Variants in TIAL1 observed in about 807,000 individuals in gnomAD.
TIAL1 encodes the protein TIA1 cytotoxic granule associated RNA binding protein like 1, also known as nucleolysin TIAR.
In TIAL1, 7 loss-of-function variants were observed where a neutral mutation model predicts 59.7. That is an observed-to-expected ratio of 0.12 (90% CI 0.07 to 0.22). The LOEUF is 0.22. Among genes scored for constraint, TIAL1 ranks in the 10% least tolerant of loss-of-function variants. The probability of loss-of-function intolerance (pLI) is 1.00; values close to 1 mark genes in which losing one functional copy is unlikely to be tolerated. For missense variants in TIAL1, 225 were observed against 462.5 expected, an observed-to-expected ratio of 0.49 and a Z score of 4.71; for synonymous variants, 149 against 146.3, an observed-to-expected ratio of 1.02 and a Z score of -0.13.
Position 119,596,699 on chromosome 10 carries a change from A to G in TIAL1, c.-234T>C. ...TGGCCGCCGCCACCAGCCAGGCAGG[A>G]AACAGGGCAGAGCGCAGGCGCGACC... is the stretch of plus-strand genomic sequence containing the variant. On this transcript the variant is annotated 5_prime_UTR_variant, in exon 1 of 12. Coordinates refer to ENST00000436547, the MANE Select transcript of TIAL1 (RefSeq NM_003252.4). 1.7e-6 allele frequency: 1 copy of G among 582,364 alleles called. No individual in the cohort carries two copies. Among genetic ancestry groups the G allele is most frequent in the Non-Finnish European group, 3.1e-6 (1 of 326,394 alleles). The allele number at this position is 582,364 out of a possible 1,614,324, so 36.1% of individuals were successfully genotyped here.
chr10:119,588,257 G>GAA lies in TIAL1; in HGVS notation c.33-11_33-10dup. On this transcript the variant is annotated splice_polypyrimidine_tract_variant and intron_variant, in intron 1 of 11. Transcript: ENST00000436547. Reference sequence around the variant, plus strand: ...AAAGGTTACCTACGTATCTGCACAAGAAAAAAATACGTTATCAGCAATTTT... The same window carrying GAA: ...AAAGGTTACCTACGTATCTGCACAAGAAAAAAAAATACGTTATCAGCAATTTT... 1 of 1,537,142 alleles carries GAA rather than the reference G, an allele frequency of 6.5e-7. No individual in the cohort carries two copies. Among genetic ancestry groups the GAA allele is most frequent in the Admixed American group, 1.9e-5 (1 of 51,566 alleles).
chr10:119,574,600 AAAAAAAAC>A lies in TIAL1; in HGVS notation c.*1057_*1064del, dbSNP rs1442534901. On this transcript the variant is annotated 3_prime_UTR_variant, in exon 12 of 12. Transcript: ENST00000436547. ...GTAATGTAAAGCAAAAAAAAAAAAA[AAAAAAAAC>A]AAAAACAAAAAACTAATTCCCAATG... 6.9e-6 allele frequency: 1 copy of A among 145,448 alleles called. No individual in the cohort carries two copies. Among genetic ancestry groups the A allele is most frequent in the Non-Finnish European group, 1.5e-5 (1 of 67,664 alleles). 9.0% of individuals were successfully genotyped at this position (145,448 alleles called of 1,614,324 possible). A position where few individuals can be genotyped will look rare whatever the true frequency, so the allele number is the denominator to read the frequency against.
intron 1 of TIAL1, among the ~76,000 whole-genome samples, chr10:119,590,804 G>GAAAGAAAGAAAGAAAGAAAA (rs1564744910): frequency 3.6e-5 from 5 of 140,672 alleles, no homozygotes; most frequent in Admixed American, 3.5e-4. Flanking sequence ...AAGAAAGAAA[G>GAAAGAAAGAAAGAAAGAAAA]AAAGAAAGAA....
intron 1 of TIAL1, among the ~76,000 whole-genome samples, chr10:119,591,525 A>T (rs538082301): frequency 6.6e-6 from 1 of 152,360 alleles, no homozygotes; most frequent in African/African-American, 2.4e-5. Context: ...CTGAAAGCAA[A>T]GATGAAAACG....
intron 1 of TIAL1, among the ~76,000 whole-genome samples, chr10:119,590,839 G>A (rs1244176692): frequency 6.9e-6 from 1 of 145,860 alleles, no homozygotes; most frequent in Non-Finnish European, 1.5e-5. Context: ...AAGTGATCTT[G>A]AGCTTCTAAA....
chr10:119,596,749 C>A lies in TIAL1; in HGVS notation c.-284G>T, dbSNP rs902188785. The A allele has an allele frequency of 5.7e-6, 3 of 524,982 alleles. No individual in the cohort carries two copies. In the African/African-American group the frequency reaches 5.9e-5, roughly 10 times the overall value. 32.5% of individuals were successfully genotyped at this position (524,982 alleles called of 1,614,324 possible). On this transcript the variant is annotated 5_prime_UTR_variant, in exon 1 of 12. Transcript: ENST00000436547. The stretch of plus-strand genomic sequence containing the variant: ...CCGCCAGGTCACCGCTCAGGCCAGC[C>A]GCGACAGCCTGCAAGGGGGACGACC...
In TIAL1 at chr10:119,574,608, C is replaced by CAAAAAAAAAA. The variant is rs1201692100; in HGVS notation, c.*1056_*1057insTTTTTTTTTT. ...AAGCAAAAAAAAAAAAAAAAAAAAA[C>CAAAAAAAAAA]AAAAACAAAAAACTAATTCCCAATG... is the stretch of plus-strand genomic sequence containing the variant. On this transcript the variant is annotated 3_prime_UTR_variant, in exon 12 of 12. Coordinates refer to ENST00000436547, the MANE Select transcript of TIAL1 (RefSeq NM_003252.4). 3 of 71,918 alleles carry CAAAAAAAAAA rather than the reference C, an allele frequency of 4.2e-5. No homozygotes were observed. Among genetic ancestry groups the CAAAAAAAAAA allele is most frequent in the African/African-American group, 9.5e-5 (2 of 20,950 alleles). The allele number at this position is 71,918 out of a possible 1,614,324, so 4.5% of individuals were successfully genotyped here. A position where few individuals can be genotyped will look rare whatever the true frequency, so the allele number is the denominator to read the frequency against.
intron 2 of TIAL1, among the ~76,000 whole-genome samples, chr10:119,583,860 T>TG (rs1175204956): frequency 6.6e-6 from 1 of 152,140 alleles, no homozygotes; most frequent in Non-Finnish European, 1.5e-5. Flanking sequence ...AGAAAGGAAA[T>TG]GGGGGAAGAC....
At chr10:119,583,861 G>A (rs1845412837) in intron 2 of TIAL1, among the ~76,000 whole-genome samples, 1 of 152,164 alleles carries the variant, frequency 6.6e-6, no homozygotes, top group Non-Finnish European at 1.5e-5. Flanking sequence ...GAAAGGAAAT[G>A]GGGGAAGACT....
chr10:119,588,324 A>C (rs1056264574), intron 1 of TIAL1, 76 bp from the exon 2 acceptor site: 56 of 791,824 alleles, frequency 7.1e-5, no homozygotes, highest in Admixed American at 1.5e-4. Context: ...CTAATTCATC[A>C]CCTTTTCTTT....
At position 119,582,066 on chromosome 10, in the gene TIAL1, T is replaced by C. The variant is rs1845332101; in HGVS notation, c.284-57A>G. 6 of 1,605,976 alleles carry C rather than the reference T, an allele frequency of 3.7e-6. No homozygotes were observed. Among genetic ancestry groups the C allele is most frequent in the South Asian group, 2.2e-5 (2 of 90,784 alleles). ...TAAGAAGTCAGCCACTAAAACCTTT[T>C]TAAGGCAACTCTAGAGGAGGAAAAA... On this transcript the variant is annotated intron_variant, in intron 4 of 11. Coordinates refer to ENST00000436547, the MANE Select transcript of TIAL1 (RefSeq NM_003252.4). This position sits in a 1 kb window ranked among gnomAD's most constrained non-coding sequence, Gnocchi z 5.1.
chr10:119,586,111 G>A (rs1349551268), intron 2 of TIAL1, among the ~76,000 whole-genome samples: 1 of 152,168 alleles, frequency 6.6e-6, no homozygotes, highest in Non-Finnish European at 1.5e-5. Flanking sequence ...TCTCTCTAGA[G>A]TTGCAAACTA....
At chr10:119,588,703 T>A (rs1020862193) in intron 1 of TIAL1, among the ~76,000 whole-genome samples, 1 of 152,178 alleles carries the variant, frequency 6.6e-6, no homozygotes, top group African/African-American at 2.4e-5. Context: ...TTAAACCTGA[T>A]CCTATGAAAG....
intron 1 of TIAL1, among the ~76,000 whole-genome samples, chr10:119,595,974 A>G (rs1160499559): frequency 6.6e-6 from 1 of 151,348 alleles, no homozygotes; most frequent in Non-Finnish European, 1.5e-5. Context: ...GAGCGACTCG[A>G]GCTGAGGACG....
At chr10:119,592,520 C>T (rs1181011231) in intron 1 of TIAL1, among the ~76,000 whole-genome samples, 1 of 152,156 alleles carries the variant, frequency 6.6e-6, no homozygotes, top group African/African-American at 2.4e-5. Flanking sequence ...AAAAGAGTAG[C>T]CCTACCAAGG....
At chr10:119,583,310 T>C (rs978935478) in intron 2 of TIAL1, among the ~76,000 whole-genome samples, 6 of 152,128 alleles carry the variant, frequency 3.9e-5, no homozygotes, top group South Asian at 2.1e-4. Flanking sequence ...AGCTATAAGT[T>C]TACATCATAA....
In TIAL1 at chr10:119,588,209, A is replaced by C. The variant is rs1397910720; in HGVS notation, c.72T>G (p.Leu24=). The C allele has an allele frequency of 1.3e-6, 2 of 1,596,204 alleles. No individual in the cohort carries two copies. The highest frequency in any genetic ancestry group is 8.5e-7 in the Non-Finnish European group (1 of 1,169,654). Residue 24 remains leucine (L), a synonymous_variant, in exon 2 of 12, where the codon CTT becomes CTG. Transcript: ENST00000436547. ...CAATCTGACTGAACAACTGAAGTAT[A>C]AGGACTTCTGTCACATCTCTGGAAA... ...GNLSRDVTEV[L]ILQLFSQIGP... is the part of the protein sequence containing the mutation.
intron 5 of TIAL1, chr10:119,580,807 C>A: frequency 8.1e-7 from 1 of 1,232,428 alleles, no homozygotes; most frequent in Non-Finnish European, 1.0e-6. Flanking sequence ...CAGTTCCTTG[C>A]AGTTAGCCTT....
Position 119,582,110 on chromosome 10 carries a change from T to C in TIAL1, c.283+59A>G. On this transcript the variant is annotated intron_variant, in intron 4 of 11. Transcript: ENST00000436547. The surrounding 1 kb of genome is among the most constrained non-coding windows in gnomAD (Gnocchi z 5.1). Reference sequence around the variant, plus strand: ...GGAAAAAAAAACCTATTTAAGCTGGTAATGCCTCCTGGATAATTTCAGAAC... The same window carrying C: ...GGAAAAAAAAACCTATTTAAGCTGGCAATGCCTCCTGGATAATTTCAGAAC... 1 of 1,597,170 alleles carries C rather than the reference T, an allele frequency of 6.3e-7. No homozygotes were observed. The highest frequency in any genetic ancestry group is 8.5e-7 in the Non-Finnish European group (1 of 1,171,312).
Sources: allele counts gnomAD v4.1 joint callset (sites outside exome capture counted in the v4.1 genomes callset), GRCh38; gene constraint gnomAD v4.1.1; non-coding constraint Gnocchi (gnomAD v3.1); transcripts MANE v1.5; gene names NCBI Gene and HGNC (gene_info 2026-07-23, HGNC 2026-07-21).